The following ZNF248 variants were observed in gnomAD, a reference collection of about 807,000 sequenced individuals.
ZNF248 encodes the protein zinc finger protein 248, also known as KRAB protein domain.
In ZNF248, 20 loss-of-function variants were observed where a neutral mutation model predicts 44.3. That is an observed-to-expected ratio of 0.45 (90% CI 0.32 to 0.66). The LOEUF is 0.66. Among genes scored for constraint, ZNF248 ranks in the 30% least tolerant of loss-of-function variants. The probability of loss-of-function intolerance (pLI) is 0.04; values close to 1 mark genes in which losing one functional copy is unlikely to be tolerated. For synonymous variants in ZNF248, 224 were observed against 229.0 expected, an observed-to-expected ratio of 0.98 and a Z score of 0.20; for missense variants, 654 against 677.0, an observed-to-expected ratio of 0.97 and a Z score of 0.38.
rs1238337152 is a variant in ZNF248, at chr10:37,856,166, T to C, written c.15+130A>G. On this transcript the variant is annotated intron_variant, in intron 3 of 5. Coordinates refer to ENST00000395867, the MANE Select transcript of ZNF248 (RefSeq NM_021045.3). ...GCCAACTGCACTATTTTGGATTTGC[T>C]ACTTCAGTTTTATTTCCCTTAATGT... The C allele has an allele frequency of 4.9e-6, 5 of 1,021,032 alleles. No individual in the cohort carries two copies. The East Asian group carries it at 1.2e-4, about 25-fold the overall frequency. 63.2% of individuals were successfully genotyped at this position (1,021,032 alleles called of 1,614,324 possible). A position where few individuals can be genotyped will look rare whatever the true frequency, so the allele number is the denominator to read the frequency against.
At chr10:37,763,640 G>A in the ZNF248 span, among the ~76,000 whole-genome samples, 3 of 152,176 alleles carry the variant, frequency 2.0e-5, no homozygotes. Context: ...TAATGTTTGA[G>A]TTTGATTCTG....
intron 6 of ZNF248, among the ~76,000 whole-genome samples, chr10:37,816,937 G>T (rs554322266): frequency 3.3e-5 from 5 of 152,146 alleles, no homozygotes; most frequent in Non-Finnish European, 7.4e-5. Flanking sequence ...TCAAAGTAAG[G>T]GTAACTGGGC....
At chr10:37,836,251 C>T (rs957537351) in intron 5 of ZNF248, among the ~76,000 whole-genome samples, 5 of 152,162 alleles carry the variant, frequency 3.3e-5, no homozygotes, top group African/African-American at 7.2e-5. Context: ...CAACCACCCA[C>T]CACAGTATAT....
chr10:37,839,458 T>C (rs1449827457), intron 3 of ZNF248, among the ~76,000 whole-genome samples: 1 of 147,174 alleles, frequency 6.8e-6, no homozygotes, highest in African/African-American at 2.5e-5. Flanking sequence ...AGGACATCAT[T>C]AATAACCTGG....
chr10:37,774,604 T>C (rs2046436920), downstream of ZNF248, among the ~76,000 whole-genome samples: 2 of 152,126 alleles, frequency 1.3e-5, no homozygotes, highest in Non-Finnish European at 2.9e-5. Flanking sequence ...GAGCTGTCCT[T>C]TGACTTTCTG....
chr10:37,797,028 T>C (rs1012408550), intron 6 of ZNF248, among the ~76,000 whole-genome samples: 2 of 152,122 alleles, frequency 1.3e-5, no homozygotes, highest in Non-Finnish European at 1.5e-5. Flanking sequence ...TAATTAAGTC[T>C]AACTGATTTA....
intron 3 of ZNF248, among the ~76,000 whole-genome samples, chr10:37,846,268 G>T (rs978326088): frequency 6.6e-6 from 1 of 152,130 alleles, no homozygotes; most frequent in African/African-American, 2.4e-5. Context: ...TATAGAATTC[G>T]AATTTCACCA....
chr10:37,782,376 T>C (rs973703221), intron 6 of ZNF248, among the ~76,000 whole-genome samples: 1 of 152,124 alleles, frequency 6.6e-6, no homozygotes, highest in Non-Finnish European at 1.5e-5. Flanking sequence ...TTAGAGTTAA[T>C]GCTGTAATGG....
the ZNF248 span, among the ~76,000 whole-genome samples, chr10:37,759,473 G>A: frequency 9.9e-5 from 15 of 152,162 alleles, no homozygotes; most frequent in Admixed American, 9.8e-4. Flanking sequence ...GAGAAGGTGC[G>A]GAGGCAGGAG....
At chr10:37,790,539 G>A (rs970887487) in intron 6 of ZNF248, among the ~76,000 whole-genome samples, 11 of 151,462 alleles carry the variant, frequency 7.3e-5, no homozygotes, top group African/African-American at 2.7e-4. Flanking sequence ...GTGAAACCCC[G>A]TTTCTACTAA....
chr10:37,813,025 G>A (rs1208700), intron 6 of ZNF248, among the ~76,000 whole-genome samples: 8,776 of 106,508 alleles, frequency 0.082, 274 homozygotes, highest in Middle Eastern at 0.13. Context: ...ATGGCAAAAA[G>A]AAAAAAAAAA....
At chr10:37,816,696 C>G (rs1413708109) in intron 6 of ZNF248, among the ~76,000 whole-genome samples, 2 of 152,180 alleles carry the variant, frequency 1.3e-5, no homozygotes, top group Non-Finnish European at 2.9e-5. Flanking sequence ...TTCCTGTACA[C>G]TCATTCAAAT....
chr10:37,791,089 T>A (rs1217188718), intron 6 of ZNF248, among the ~76,000 whole-genome samples: 2 of 132,920 alleles, frequency 1.5e-5, no homozygotes, highest in East Asian at 2.4e-4. Flanking sequence ...AGTCTCACTC[T>A]GTCTCCCAGG....
At chr10:37,785,060 G>T (rs527598043) in intron 6 of ZNF248, among the ~76,000 whole-genome samples, 2 of 152,218 alleles carry the variant, frequency 1.3e-5, no homozygotes, top group African/African-American at 4.8e-5. Context: ...CCACTTACTG[G>T]GTGCCTTGGA....
At position 37,832,315 on chromosome 10, in the gene ZNF248, A is replaced by C; in HGVS notation, c.1040T>G (p.Met347Arg). 1 of 1,613,904 alleles carries C rather than the reference A, an allele frequency of 6.2e-7. No individual in the cohort carries two copies. Among genetic ancestry groups the C allele is most frequent in the Non-Finnish European group, 8.5e-7 (1 of 1,179,916 alleles). Residue 347 changes from methionine to arginine, a missense_variant, in exon 6 of 6, where the codon ATG (methionine) becomes AGG (arginine). Met to Arg is a moderately conservative substitution (Grantham distance 91, BLOSUM62 -1). Coordinates refer to ENST00000395867, the MANE Select transcript of ZNF248 (RefSeq NM_021045.3). Reference sequence around the variant, plus strand: ...ATTGTAATCATAAGACTTTCCCCCCATGTGTACTATTTGATGTTTTAAGAG... The same window carrying C: ...ATTGTAATCATAAGACTTTCCCCCCCTGTGTACTATTTGATGTTTTAAGAG... ...SALLKHQIVH[M>R]GGKSYDYNEN...
rs2047328806 is a variant in ZNF248, at chr10:37,781,598, T to A, written c.331-5023A>T. Among the ~76,000 whole-genome samples, 3 of 152,216 alleles carry A rather than the reference T, an allele frequency of 2.0e-5. No homozygotes were observed. The South Asian group carries it at 6.2e-4, about 32-fold the overall frequency. On this transcript the variant is annotated intron_variant, in intron 6 of 6. Transcript: ENST00000615949. Reference sequence around the variant, plus strand: ...TTAATCTGTTAACCCAGTCTGGGCCTCCTCGGGGACTTCAGTGTACCAGCA... The same window carrying A: ...TTAATCTGTTAACCCAGTCTGGGCCACCTCGGGGACTTCAGTGTACCAGCA...
chr10:37,767,850 G>C, the ZNF248 span, among the ~76,000 whole-genome samples: 2 of 152,128 alleles, frequency 1.3e-5, no homozygotes, highest in Non-Finnish European at 2.9e-5. Flanking sequence ...AAAGAGTCAA[G>C]ACCCATCAGT....
At chr10:37,768,219 A>G in the ZNF248 span, among the ~76,000 whole-genome samples, 1 of 152,214 alleles carries the variant, frequency 6.6e-6, no homozygotes, top group African/African-American at 2.4e-5. Flanking sequence ...TAGATCAATG[A>G]GACAGAAAGT....
In ZNF248 at chr10:37,831,357, CA is replaced by C; in HGVS notation, c.*257del. ...TAAATATTGTCCATTATATTTGCAACAAAATTTTGGTATCACGTCTGGAATA... is the reference window on the plus strand; with the variant it reads ...TAAATATTGTCCATTATATTTGCAACAAATTTTGGTATCACGTCTGGAATA... On this transcript the variant is annotated 3_prime_UTR_variant, in exon 6 of 6. Transcript: ENST00000395867. 6.5e-7 allele frequency: 1 copy of C among 1,547,024 alleles called. No individual in the cohort carries two copies. The highest frequency in any genetic ancestry group is 8.7e-7 in the Non-Finnish European group (1 of 1,145,390).
Sources: gnomAD v4.1 joint callset for allele counts (sites outside exome capture counted in the v4.1 genomes callset) on GRCh38, gnomAD v4.1.1 for gene constraint, MANE v1.5 for transcripts, NCBI Gene and HGNC (gene_info 2026-07-23, HGNC 2026-07-21) for gene names.